Variants in SCFD2 observed in about 807,000 individuals in gnomAD.
SCFD2 encodes the protein sec1 family domain containing 2.
In SCFD2, 54 loss-of-function variants were observed where a neutral mutation model predicts 58.9. The ratio of observed to expected loss-of-function variants is 0.92; its 90% CI spans 0.74 to 1.15. The LOEUF (loss-of-function observed/expected upper bound fraction) is 1.15, where lower values mean the gene tolerates loss of function less well. Ranked by LOEUF, SCFD2 falls within the 50% of genes most tolerant of loss-of-function variation. The pLI is 0.00. For missense variants in SCFD2, 805 were observed against 836.6 expected, an observed-to-expected ratio of 0.96 and a Z score of 0.47; for synonymous variants, 321 against 335.9, an observed-to-expected ratio of 0.96 and a Z score of 0.49.
chr4:52,876,477 CG>C (rs946198710), intron 8 of SCFD2, among the ~76,000 whole-genome samples: 1 of 151,954 alleles, frequency 6.6e-6, no homozygotes, highest in African/African-American at 2.4e-5. Context: ...GAACTGGGTG[CG>C]GTGGCTCACT....
At chr4:53,289,199 T>C (rs1342299249) in intron 3 of SCFD2, among the ~76,000 whole-genome samples, 7 of 152,026 alleles carry the variant, frequency 4.6e-5, no homozygotes, top group Non-Finnish European at 1.0e-4. Context: ...ACCCTGTATC[T>C]ACTAAAAACA....
intron 4 of SCFD2, among the ~76,000 whole-genome samples, chr4:53,190,252 T>C (rs1164989861): frequency 6.6e-6 from 1 of 152,100 alleles, no homozygotes; most frequent in Non-Finnish European, 1.5e-5. Flanking sequence ...TCTGAAACTG[T>C]AGCATAGACA....
intron 5 of SCFD2, among the ~76,000 whole-genome samples, chr4:52,954,182 C>G (rs1355070726): frequency 2.0e-5 from 3 of 152,238 alleles, no homozygotes; most frequent in Non-Finnish European, 4.4e-5. Context: ...AACTTGCTTT[C>G]TGTCACCACA....
intron 7 of SCFD2, among the ~76,000 whole-genome samples, chr4:52,900,062 T>A (rs1429555141): frequency 1.3e-5 from 2 of 152,224 alleles, no homozygotes; most frequent in Non-Finnish European, 2.9e-5. Context: ...TAATTTTTTT[T>A]CAAAGTTTTT....
chr4:53,196,196 C>G (rs1444559865), intron 4 of SCFD2, among the ~76,000 whole-genome samples: 3 of 152,072 alleles, frequency 2.0e-5, no homozygotes, highest in African/African-American at 7.2e-5. Flanking sequence ...TCTTTTGATG[C>G]CAACATAGTC....
chr4:53,281,189 G>T (rs1205550034), intron 3 of SCFD2, among the ~76,000 whole-genome samples: 1 of 152,180 alleles, frequency 6.6e-6, no homozygotes, highest in East Asian at 1.9e-4. Context: ...CTCACAAAAA[G>T]TTCTATATAT....
intron 5 of SCFD2, among the ~76,000 whole-genome samples, chr4:53,125,565 G>T (rs1235437830): frequency 6.6e-6 from 1 of 152,224 alleles, no homozygotes; most frequent in African/African-American, 2.4e-5. Flanking sequence ...CTGTTGAGTA[G>T]CTAACCTCAG....
chr4:53,146,447 T>C (rs562557630), intron 4 of SCFD2, among the ~76,000 whole-genome samples: 1 of 152,186 alleles, frequency 6.6e-6, no homozygotes, highest in Non-Finnish European at 1.5e-5. Context: ...TTATATTCAA[T>C]ACAAATTGAA....
intron 4 of SCFD2, among the ~76,000 whole-genome samples, chr4:53,217,770 G>T (rs1294208893): frequency 1.3e-5 from 2 of 152,180 alleles, no homozygotes; most frequent in Non-Finnish European, 2.9e-5. Flanking sequence ...TGTTTTTGTA[G>T]TGGCTGGTAA....
chr4:53,062,901 G>T (rs1723555527), intron 5 of SCFD2, among the ~76,000 whole-genome samples: 1 of 152,100 alleles, frequency 6.6e-6, no homozygotes. Context: ...AACAAAGCTG[G>T]CTTTATTACA....
At chr4:53,092,405 T>C (rs1046074968) in intron 5 of SCFD2, among the ~76,000 whole-genome samples, 1 of 152,134 alleles carries the variant, frequency 6.6e-6, no homozygotes, top group African/African-American at 2.4e-5. Context: ...AAAATAAACA[T>C]ACACTTACCA....
At chr4:53,191,531 C>T (rs1235822727) in intron 4 of SCFD2, among the ~76,000 whole-genome samples, 3 of 151,864 alleles carry the variant, frequency 2.0e-5, no homozygotes, top group African/African-American at 7.3e-5. Flanking sequence ...CTCAGCCTCC[C>T]GAGTAGCTGG....
At chr4:53,295,757 GA>G (rs1448080163) in intron 3 of SCFD2, among the ~76,000 whole-genome samples, 2 of 147,046 alleles carry the variant, frequency 1.4e-5, no homozygotes, top group Non-Finnish European at 2.9e-5. Flanking sequence ...CATTCATTAT[GA>G]TATTGGCTGT....
chr4:52,977,120 T>C (rs980732906), intron 5 of SCFD2, among the ~76,000 whole-genome samples: 3 of 152,136 alleles, frequency 2.0e-5, no homozygotes, highest in African/African-American at 4.8e-5. Flanking sequence ...AATTCTACTT[T>C]GAACAATTGC....
At chr4:52,954,290 C>T (rs1720663425) in intron 5 of SCFD2, among the ~76,000 whole-genome samples, 1 of 152,138 alleles carries the variant, frequency 6.6e-6, no homozygotes, top group Non-Finnish European at 1.5e-5. Flanking sequence ...CCATACCAGG[C>T]CAGTCTGAGT....
intron 2 of SCFD2, among the ~76,000 whole-genome samples, chr4:53,340,644 G>C (rs1733837415): frequency 6.6e-6 from 1 of 152,238 alleles, no homozygotes; most frequent in Non-Finnish European, 1.5e-5. Flanking sequence ...TGAGATCTGA[G>C]AACGGGCAGA....
intron 4 of SCFD2, among the ~76,000 whole-genome samples, chr4:53,240,284 T>A (rs1319772786): frequency 6.6e-6 from 1 of 152,236 alleles, no homozygotes; most frequent in Admixed American, 6.5e-5. Context: ...ACCATTATTT[T>A]ATGTGCTCCC....
intron 4 of SCFD2, among the ~76,000 whole-genome samples, chr4:53,255,250 T>C (rs1730569217): frequency 7.4e-6 from 1 of 135,714 alleles, no homozygotes. Flanking sequence ...TTCTTGGGTG[T>C]TTCTCGCAGA....
intron 5 of SCFD2, among the ~76,000 whole-genome samples, chr4:52,998,367 G>C (rs1721790689): frequency 6.6e-6 from 1 of 152,198 alleles, no homozygotes; most frequent in African/African-American, 2.4e-5. Context: ...AGCAAGGCTG[G>C]TTTTACTTCA....
Sources: gnomAD v4.1 joint callset for allele counts (sites outside exome capture counted in the v4.1 genomes callset) on GRCh38, gnomAD v4.1.1 for gene constraint, MANE v1.5 for transcripts, NCBI Gene and HGNC (gene_info 2026-07-23, HGNC 2026-07-21) for gene names.